The following ARHGEF26 variants were observed in gnomAD, a reference collection of about 807,000 sequenced individuals.
The protein encoded by ARHGEF26 is Rho guanine nucleotide exchange factor 26, also known as Rho guanine nucleotide exchange factor (GEF) 26.
In ARHGEF26, 59 loss-of-function variants were observed where a neutral mutation model predicts 89.4. The observed-to-expected ratio is 0.66, with a 90% CI of 0.54 to 0.82. The LOEUF (loss-of-function observed/expected upper bound fraction) is 0.82. Ranked by LOEUF, ARHGEF26 falls within the 40% of genes least tolerant of loss-of-function variation. The pLI, the probability that ARHGEF26 is intolerant of heterozygous loss-of-function variation, is 0.00. For synonymous variants in ARHGEF26, 500 were observed against 428.4 expected (o/e 1.17, Z -2.06); for missense variants, 1,234 against 1,085.6 (o/e 1.14, Z -1.92).
At chr3:154,219,293 A>G (rs1715968983) in intron 10 of ARHGEF26, among the ~76,000 whole-genome samples, 1 of 152,136 alleles carries the variant, frequency 6.6e-6, no homozygotes, top group East Asian at 1.9e-4. Flanking sequence ...GTATAAGATT[A>G]CTTTAAGAAA....
chr3:154,154,738 A>G (rs1720225581), intron 6 of ARHGEF26, among the ~76,000 whole-genome samples: 1 of 152,004 alleles, frequency 6.6e-6, no homozygotes, highest in Non-Finnish European at 1.5e-5. Context: ...AGGTTACTCC[A>G]TAGTAGTTTA....
intron 9 of ARHGEF26, among the ~76,000 whole-genome samples, chr3:154,210,438 C>G (rs1418470604): frequency 6.6e-6 from 1 of 151,996 alleles, no homozygotes; most frequent in African/African-American, 2.4e-5. Context: ...CTCAGCCTCC[C>G]AAGTAGCTGG....
chr3:154,215,952 A>T (rs1026573937), intron 9 of ARHGEF26, among the ~76,000 whole-genome samples: 2 of 152,184 alleles, frequency 1.3e-5, no homozygotes, highest in East Asian at 3.8e-4. Flanking sequence ...GCATAGAATG[A>T]TCATTTCCAA....
chr3:154,236,380 A>T (rs1367717582), intron 11 of ARHGEF26, among the ~76,000 whole-genome samples: 1 of 152,226 alleles, frequency 6.6e-6, no homozygotes, highest in Non-Finnish European at 1.5e-5. Flanking sequence ...GCTTGCACAA[A>T]GCAGACGCCT....
chr3:154,217,856 TCTG>T lies in ARHGEF26; in HGVS notation c.1846-12_1846-10del. 1 of 1,583,624 alleles carries T rather than the reference TCTG, an allele frequency of 6.3e-7. No homozygotes were observed. Among genetic ancestry groups the T allele is most frequent in the South Asian group, 1.2e-5 (1 of 86,378 alleles). ...CTTGACCTTTAACCCTCGTTACTCTTCTGTGTTCCCAGTTGGTTCGACTATGCA... is the reference window on the plus strand; with the variant it reads ...CTTGACCTTTAACCCTCGTTACTCTTTGTTCCCAGTTGGTTCGACTATGCA... On this transcript the variant is annotated splice_polypyrimidine_tract_variant and intron_variant, in intron 9 of 14. Transcript: ENST00000465093.
chr3:154,171,009 C>G (rs1712401610), intron 6 of ARHGEF26, among the ~76,000 whole-genome samples: 1 of 152,118 alleles, frequency 6.6e-6, no homozygotes, highest in African/African-American at 2.4e-5. Context: ...TGGAGGGCTG[C>G]TTGGAGAAGA....
intron 9 of ARHGEF26, among the ~76,000 whole-genome samples, chr3:154,214,707 C>T (rs1379299077): frequency 6.6e-6 from 1 of 152,044 alleles, no homozygotes; most frequent in Non-Finnish European, 1.5e-5. Context: ...GAACACATTC[C>T]CCAGGAGAAG....
intron 11 of ARHGEF26, among the ~76,000 whole-genome samples, chr3:154,240,106 A>G (rs1717399835): frequency 6.6e-6 from 1 of 152,198 alleles, no homozygotes; most frequent in Non-Finnish European, 1.5e-5. Context: ...TTATTATAAC[A>G]GTTCCAGGAT....
chr3:154,204,516 A>C (rs1016305575), intron 9 of ARHGEF26, among the ~76,000 whole-genome samples: 6 of 151,794 alleles, frequency 4.0e-5, no homozygotes, highest in Admixed American at 2.0e-4. Context: ...TTTTTAGTAG[A>C]GATGGGGTTT....
chr3:154,133,418 A>G (rs1462333867), intron 4 of ARHGEF26, among the ~76,000 whole-genome samples: 1 of 152,056 alleles, frequency 6.6e-6, no homozygotes, highest in African/African-American at 2.4e-5. Context: ...CTGAGCCTCA[A>G]TAGAATAATG....
rs756688472 is a variant in ARHGEF26 at position 154,191,314 on chromosome 3, G to A, written c.1666G>A (p.Val556Ile). The A allele has an allele frequency of 8.1e-6, 13 of 1,612,620 alleles. No homozygotes were observed. The highest frequency in any genetic ancestry group is 1.0e-5 in the Non-Finnish European group (12 of 1,179,328). ...LLATNPSFKEVLSRIESHEDC... is the reference protein window; with the variant it reads ...LLATNPSFKEILSRIESHEDC... ...AGCTACCAATCCATCCTTTAAGGAA[G>A]TATTGTCAAGGATTGAGTCCCATGA... The change falls in exon 8 of 15, where the codon GTA (valine) becomes ATA (isoleucine). Residue 556 changes from valine to isoleucine, a missense_variant. Coordinates refer to ENST00000465093, the MANE Select transcript of ARHGEF26 (RefSeq NM_015595.4).
intron 9 of ARHGEF26, among the ~76,000 whole-genome samples, chr3:154,215,944 A>G (rs963390372): frequency 2.6e-4 from 39 of 152,304 alleles, no homozygotes; most frequent in Non-Finnish European, 8.8e-5. Flanking sequence ...ACATACAAGC[A>G]TAGAATGATC....
At position 154,217,793 on chromosome 3, in the gene ARHGEF26, C is replaced by A. The variant is rs530811184; in HGVS notation, c.1846-76C>A. 7.3e-4 allele frequency: 828 copies of A among 1,128,126 alleles called. 1 individual carries two copies. Among genetic ancestry groups the A allele is most frequent in the Non-Finnish European group, 1.0e-3 (771 of 764,582 alleles). The allele number at this position is 1,128,126 out of a possible 1,614,324, so 69.9% of individuals were successfully genotyped here. A position where few individuals can be genotyped will look rare whatever the true frequency, so the allele number is the denominator to read the frequency against. ...AGGGCTTCCCAAGTGGTAATTATTT[C>A]CTGTGAGAGTTCTGCTTTTGAAAGT... On this transcript the variant is annotated intron_variant, in intron 9 of 14. Coordinates refer to ENST00000465093, the MANE Select transcript of ARHGEF26 (RefSeq NM_015595.4).
At chr3:154,186,886 CTTTTTTTTT>C (rs201150057) in intron 6 of ARHGEF26, among the ~76,000 whole-genome samples, 68 of 82,080 alleles carry the variant, frequency 8.3e-4, no homozygotes, top group Non-Finnish European at 1.3e-3. Context: ...TTATTTCAGA[CTTTTTTTTT>C]TTTTTTTTTT....
Position 154,256,790 on chromosome 3 carries a change from G to C in ARHGEF26, c.*1317G>C. 2.0e-6 allele frequency: 3 copies of C among 1,482,754 alleles called. No individual in the cohort carries two copies. Among genetic ancestry groups the C allele is most frequent in the Non-Finnish European group, 2.7e-6 (3 of 1,124,772 alleles). The allele number at this position is 1,482,754 out of a possible 1,614,324, so 91.8% of individuals were successfully genotyped here. ...ACCTTAGTGGGAATTCATTCTATTT[G>C]CACTAAAAGCCTTAACTTGCTGTAT... is the stretch of plus-strand genomic sequence containing the variant. On this transcript the variant is annotated 3_prime_UTR_variant, in exon 15 of 15. Transcript: ENST00000465093.
At chr3:154,255,197 C>T in intron 14 of ARHGEF26, 134 bp from the exon 15 acceptor site, 1 of 921,602 alleles carries the variant, frequency 1.1e-6, no homozygotes, top group Non-Finnish European at 1.7e-6. Context: ...CGAAAGCTTT[C>T]CCTGTCCCAC....
At position 154,213,714 on chromosome 3, in the gene ARHGEF26, C is replaced by A. The variant is rs1002096376; in HGVS notation, c.1846-4155C>A. ...GTTTGGGATGCTAAGGTGGGATGATCACTTGATGTCAGGAGTTCAAGACCA... is the reference window on the plus strand; with the variant it reads ...GTTTGGGATGCTAAGGTGGGATGATAACTTGATGTCAGGAGTTCAAGACCA... On this transcript the variant is annotated intron_variant, in intron 9 of 14. Coordinates refer to ENST00000465093, the MANE Select transcript of ARHGEF26 (RefSeq NM_015595.4). 2.0e-5 allele frequency among the ~76,000 whole-genome samples: 3 copies of A among 152,070 alleles called. No individual in the cohort carries two copies. In the South Asian group the frequency reaches 6.2e-4, roughly 32 times the overall value.
intron 6 of ARHGEF26, among the ~76,000 whole-genome samples, chr3:154,185,998 G>T (rs9876242): frequency 2.6e-5 from 4 of 151,982 alleles, no homozygotes; most frequent in Non-Finnish European, 5.9e-5. Flanking sequence ...CCCATCAACC[G>T]CTCCACTGTG....
intron 13 of ARHGEF26, among the ~76,000 whole-genome samples, chr3:154,253,815 G>A (rs994804801): frequency 6.6e-6 from 1 of 152,134 alleles, no homozygotes; most frequent in Non-Finnish European, 1.5e-5. Context: ...ACAAAACATT[G>A]TTATCCTGGA....
Sources: gnomAD v4.1 joint callset for allele counts (sites outside exome capture counted in the v4.1 genomes callset) on GRCh38, gnomAD v4.1.1 for gene constraint, MANE v1.5 for transcripts, NCBI Gene and HGNC (gene_info 2026-07-23, HGNC 2026-07-21) for gene names.